The following CADM2 variants were observed in gnomAD, a reference collection of about 807,000 sequenced individuals.
The protein encoded by CADM2 is immunoglobulin superfamily member 4D.
Under a neutral mutation model 49.8 loss-of-function variants are expected in CADM2, and 12 were observed. The ratio of observed to expected loss-of-function variants is 0.24; its 90% CI spans 0.15 to 0.39. The LOEUF (loss-of-function observed/expected upper bound fraction) is 0.39, where lower values mean the gene tolerates loss of function less well. CADM2 is among the 10% of genes least tolerant of loss of function. The probability of loss-of-function intolerance (pLI) is 1.00; values close to 1 mark genes in which losing one functional copy is unlikely to be tolerated. For missense variants in CADM2, 378 were observed against 492.3 expected, an observed-to-expected ratio of 0.77 and a Z score of 2.20; for synonymous variants, 214 against 175.4, an observed-to-expected ratio of 1.22 and a Z score of -1.74.
chr3:85,437,896 C>A (rs1576552907), intron 1 of CADM2, among the ~76,000 whole-genome samples: 1 of 151,810 alleles, frequency 6.6e-6, no homozygotes, highest in Middle Eastern at 3.5e-3. Context: ...TCATTATTTT[C>A]TGATTATAAA....
chr3:85,446,558 T>G, intron 1 of CADM2, among the ~76,000 whole-genome samples: 1 of 151,854 alleles, frequency 6.6e-6, no homozygotes. Flanking sequence ...AAAAGGATTA[T>G]TATAATATTT....
intron 1 of CADM2, among the ~76,000 whole-genome samples, chr3:85,514,491 C>T (rs928261953): frequency 6.6e-6 from 1 of 151,890 alleles, no homozygotes; most frequent in Non-Finnish European, 1.5e-5. Flanking sequence ...TGTGTTTGTC[C>T]TAGGAAGGAC....
chr3:85,410,006 C>G (rs1362824544), intron 1 of CADM2, among the ~76,000 whole-genome samples: 1 of 152,028 alleles, frequency 6.6e-6, no homozygotes. Flanking sequence ...ATAGTTATAC[C>G]TTTTCTGCTT....
intron 8 of CADM2, among the ~76,000 whole-genome samples, chr3:86,046,621 A>C (rs1736717105): frequency 6.6e-6 from 1 of 152,106 alleles, no homozygotes; most frequent in Non-Finnish European, 1.5e-5. Flanking sequence ...CACCAAGCTC[A>C]AGAAATGTCA....
intron 1 of CADM2, among the ~76,000 whole-genome samples, chr3:85,277,385 T>G (rs2043382435): frequency 6.6e-6 from 1 of 151,364 alleles, no homozygotes; most frequent in African/African-American, 2.4e-5. Context: ...TTTAGCTCTT[T>G]AGCTTTCTAT....
chr3:85,096,415 ATGTGACT>A (rs1159055699), intron 1 of CADM2, among the ~76,000 whole-genome samples: 2 of 151,692 alleles, frequency 1.3e-5, no homozygotes, highest in African/African-American at 4.8e-5. Flanking sequence ...ACAGAAGTCA[ATGTGACT>A]TGTTTGATGT....
At chr3:85,232,605 G>A (rs1220269001) in intron 1 of CADM2, among the ~76,000 whole-genome samples, 1 of 152,008 alleles carries the variant, frequency 6.6e-6, no homozygotes, top group African/African-American at 2.4e-5. Context: ...TTAAAAATGT[G>A]CAAAAGATAT....
chr3:85,760,723 A>C (rs2107899845), intron 2 of CADM2, among the ~76,000 whole-genome samples: 1 of 152,308 alleles, frequency 6.6e-6, no homozygotes, highest in Non-Finnish European at 1.5e-5. Flanking sequence ...TAGTTGTTTG[A>C]GAATATCTTG....
chr3:85,277,621 CT>C (rs2043389728), intron 1 of CADM2, among the ~76,000 whole-genome samples: 1 of 151,348 alleles, frequency 6.6e-6, no homozygotes, highest in Admixed American at 6.6e-5. Context: ...AATTTTTTAA[CT>C]TCTTGTATTT....
At chr3:86,014,511 G>A (rs1164677699) in intron 8 of CADM2, 5 of 1,559,084 alleles carry the variant, frequency 3.2e-6, no homozygotes, top group East Asian at 2.3e-5. Flanking sequence ...ATACCACAGT[G>A]TTCACCAAGG....
chr3:85,212,864 T>TCTCTC (rs1220821527), intron 1 of CADM2, among the ~76,000 whole-genome samples: 9 of 107,262 alleles, frequency 8.4e-5, no homozygotes, highest in Middle Eastern at 4.6e-3. Context: ...CTTTCTTTCT[T>TCTCTC]TCTTTCTTTC....
chr3:85,821,567 G>A (rs1356380884), intron 3 of CADM2, among the ~76,000 whole-genome samples: 1 of 151,998 alleles, frequency 6.6e-6, no homozygotes, highest in Non-Finnish European at 1.5e-5. Flanking sequence ...TGTTTTTGTT[G>A]CATACACAAG....
intron 1 of CADM2, among the ~76,000 whole-genome samples, chr3:85,719,487 T>C (rs1288718122): frequency 6.6e-6 from 1 of 152,192 alleles, no homozygotes; most frequent in African/African-American, 2.4e-5. Context: ...AATTCACACA[T>C]ATTTTGTATA....
At position 86,065,714 on chromosome 3, in the gene CADM2, T is replaced by C. The variant is rs377102780; in HGVS notation, c.1080T>C (p.Tyr360=). ...GTTCTATCTTTCTGCTTGGTCGATA[T>C]CTGGCAAGGCATAAAGGTACGTTAT... ...TLCSIFLLGR[Y]LARHKGTYLT... The change falls in exon 9 of 10, where the codon TAT becomes TAC. Residue 360 remains tyrosine (Y), a synonymous_variant. Transcript: ENST00000383699. The C allele has an allele frequency of 3.7e-6, 6 of 1,613,856 alleles. No homozygotes were observed. In the African/African-American group the frequency reaches 4.0e-5, roughly 11 times the overall value.
At chr3:85,594,651 A>G (rs1369766035) in intron 1 of CADM2, among the ~76,000 whole-genome samples, 1 of 152,036 alleles carries the variant, frequency 6.6e-6, no homozygotes, top group Non-Finnish European at 1.5e-5. Flanking sequence ...AGAAATACAT[A>G]TGTGACAGAA....
chr3:85,613,807 T>C (rs2063734865), intron 1 of CADM2, among the ~76,000 whole-genome samples: 2 of 151,630 alleles, frequency 1.3e-5, no homozygotes, highest in Non-Finnish European at 3.0e-5. Context: ...ATTAGTAACA[T>C]AGTATTTAAG....
intron 1 of CADM2, among the ~76,000 whole-genome samples, chr3:85,003,372 G>A (rs552985658): frequency 2.6e-5 from 4 of 152,072 alleles, no homozygotes; most frequent in South Asian, 4.1e-4. Flanking sequence ...AGATGAGATT[G>A]TTTAAAAAAA....
At chr3:85,396,238 T>C (rs1210741465) in intron 1 of CADM2, among the ~76,000 whole-genome samples, 2 of 151,774 alleles carry the variant, frequency 1.3e-5, no homozygotes, top group African/African-American at 4.8e-5. Context: ...GTTTTCTTGC[T>C]TGCTGCTTGT....
At chr3:85,393,253 C>G (rs2034608260) in intron 1 of CADM2, among the ~76,000 whole-genome samples, 1 of 151,996 alleles carries the variant, frequency 6.6e-6, no homozygotes, top group Non-Finnish European at 1.5e-5. Context: ...GTGTTCAGAA[C>G]TTGATGGTAA....
Sources: gnomAD v4.1 joint callset for allele counts (sites outside exome capture counted in the v4.1 genomes callset) on GRCh38, gnomAD v4.1.1 for gene constraint, MANE v1.5 for transcripts, NCBI Gene and HGNC (gene_info 2026-07-23, HGNC 2026-07-21) for gene names.